KIF26B: variants seen among roughly 807,000 people sequenced by gnomAD.
The protein encoded by KIF26B is kinesin family member 26B.
In KIF26B, 63 loss-of-function variants were observed where a neutral mutation model predicts 151.2. That is an observed-to-expected ratio of 0.42 (90% CI 0.34 to 0.51). The LOEUF (loss-of-function observed/expected upper bound fraction) is 0.51, where lower values mean the gene tolerates loss of function less well. KIF26B is among the 20% of genes least tolerant of loss of function. The pLI is 0.07. For missense variants in KIF26B, 2,813 were observed against 2,913.6 expected (o/e 0.97, Z 0.79); for synonymous variants, 1,357 against 1,262.1 (o/e 1.08, Z -1.59).
intron 2 of KIF26B, among the ~76,000 whole-genome samples, chr1:245,220,094 C>T (rs1295401560): frequency 6.6e-6 from 1 of 152,160 alleles, no homozygotes; most frequent in Non-Finnish European, 1.5e-5. Flanking sequence ...AGGAGAGCTT[C>T]GGCCTCTCTC....
chr1:245,657,921 G>C (rs1219187679), intron 10 of KIF26B, among the ~76,000 whole-genome samples: 1 of 152,160 alleles, frequency 6.6e-6, no homozygotes, highest in Admixed American at 6.5e-5. Flanking sequence ...CCACCACCCA[G>C]GTTAGGAAAT....
At chr1:245,177,086 C>T (rs1216197918) in intron 2 of KIF26B, among the ~76,000 whole-genome samples, 3 of 152,186 alleles carry the variant, frequency 2.0e-5, no homozygotes, top group Non-Finnish European at 4.4e-5. Context: ...TCCTGAGTAG[C>T]TGGGACTACA....
intron 4 of KIF26B, among the ~76,000 whole-genome samples, chr1:245,504,926 A>T (rs969479831): frequency 1.3e-5 from 2 of 152,128 alleles, no homozygotes; most frequent in African/African-American, 4.8e-5. Flanking sequence ...GTAGTTGGAA[A>T]ATTAAGCAAT....
chr1:245,231,578 A>G (rs1275170855), intron 2 of KIF26B, among the ~76,000 whole-genome samples: 3 of 152,200 alleles, frequency 2.0e-5, no homozygotes, highest in Non-Finnish European at 2.9e-5. Flanking sequence ...ATGTGACTCT[A>G]CATACTGAAA....
chr1:245,248,311 C>T (rs556793450), intron 2 of KIF26B, among the ~76,000 whole-genome samples: 4 of 152,316 alleles, frequency 2.6e-5, no homozygotes, highest in Admixed American at 1.3e-4. Context: ...GCGTTCAGCA[C>T]GGCATCACTG....
intron 5 of KIF26B, among the ~76,000 whole-genome samples, chr1:245,555,042 C>T (rs556331931): frequency 1.3e-5 from 2 of 152,334 alleles, no homozygotes; most frequent in African/African-American, 4.8e-5. Context: ...CCATTGGAGG[C>T]AACACCTGGG....
At chr1:245,398,325 C>T (rs542451456) in intron 3 of KIF26B, among the ~76,000 whole-genome samples, 44 of 152,242 alleles carry the variant, frequency 2.9e-4, no homozygotes, top group Admixed American at 1.3e-3. Context: ...AAAGTAATCC[C>T]GGCTGCCTGC....
intron 5 of KIF26B, among the ~76,000 whole-genome samples, chr1:245,574,207 G>A (rs1453865532): frequency 6.6e-6 from 1 of 152,156 alleles, no homozygotes; most frequent in Non-Finnish European, 1.5e-5. Flanking sequence ...TGAGTGGCGT[G>A]ATCTCGGCTC....
At chr1:245,584,301 C>T (rs1018609744) in intron 5 of KIF26B, among the ~76,000 whole-genome samples, 5 of 152,156 alleles carry the variant, frequency 3.3e-5, no homozygotes, top group African/African-American at 1.2e-4. Context: ...GCATACACAG[C>T]CTGCAGAACC....
chr1:245,494,826 T>C (rs990541410), intron 4 of KIF26B, among the ~76,000 whole-genome samples: 1 of 151,892 alleles, frequency 6.6e-6, no homozygotes, highest in Non-Finnish European at 1.5e-5. Flanking sequence ...GATGACTTGA[T>C]CCCAGGAGTC....
At chr1:245,254,069 C>T (rs1670492971) in intron 2 of KIF26B, among the ~76,000 whole-genome samples, 1 of 152,108 alleles carries the variant, frequency 6.6e-6, no homozygotes, top group Non-Finnish European at 1.5e-5. Context: ...CTCGGCCTCC[C>T]AAAGTGCTGG....
At chr1:245,251,430 T>C (rs897406012) in intron 2 of KIF26B, among the ~76,000 whole-genome samples, 1 of 152,246 alleles carries the variant, frequency 6.6e-6, no homozygotes, top group Admixed American at 6.5e-5. Context: ...TGTCTTTTGC[T>C]CATCCAGCAG....
intron 10 of KIF26B, among the ~76,000 whole-genome samples, chr1:245,651,079 A>G (rs6677364): frequency 0.66 from 100,428 of 152,038 alleles, 33,949 homozygotes; most frequent in African/African-American, 0.79. Context: ...ACCGCAGGCA[A>G]CATCCACTTC....
intron 2 of KIF26B, among the ~76,000 whole-genome samples, chr1:245,245,409 G>C (rs893235987): frequency 2.0e-5 from 3 of 152,150 alleles, no homozygotes; most frequent in African/African-American, 7.2e-5. Flanking sequence ...TCAGATTTCA[G>C]TTTCCTGGAA....
rs141144419 is a variant in KIF26B, at chr1:245,470,201, G to A, written c.1166+50456G>A. Among the ~76,000 whole-genome samples, 466 of 152,076 alleles carry A rather than the reference G, an allele frequency of 3.1e-3. 1 individual carries two copies. Among genetic ancestry groups the A allele is most frequent in the African/African-American group, 0.011 (446 of 41,440 alleles). ...CCAGACTTAGATTCTAAGGGCAGGG[G>A]GAGTTCCCTGAAGGATTTTAAGTGC... On this transcript the variant is annotated intron_variant, in intron 4 of 14. Transcript: ENST00000407071.
intron 2 of KIF26B, among the ~76,000 whole-genome samples, chr1:245,274,238 A>G (rs1006395038): frequency 6.6e-6 from 1 of 151,916 alleles, no homozygotes; most frequent in Non-Finnish European, 1.5e-5. Flanking sequence ...TCTTTTTTTA[A>G]TTATACTTTA....
intron 10 of KIF26B, among the ~76,000 whole-genome samples, chr1:245,647,992 A>G (rs776861486): frequency 1.3e-5 from 2 of 152,222 alleles, no homozygotes; most frequent in Non-Finnish European, 1.5e-5. Flanking sequence ...TAGTTGAGTA[A>G]ATTCAGCTTG....
intron 2 of KIF26B, among the ~76,000 whole-genome samples, chr1:245,258,979 C>T (rs556807936): frequency 2.8e-4 from 43 of 152,306 alleles, no homozygotes; most frequent in African/African-American, 9.6e-4. Context: ...AGGTGCCCCT[C>T]GCTTCGTGCA....
chr1:245,262,791 C>G (rs999295418), intron 2 of KIF26B, among the ~76,000 whole-genome samples: 3 of 152,156 alleles, frequency 2.0e-5, no homozygotes, highest in Non-Finnish European at 2.9e-5. Context: ...TTGAGTCTTT[C>G]TCTGGAAGTA....
Sources: gnomAD v4.1 joint callset for allele counts (sites outside exome capture counted in the v4.1 genomes callset) on GRCh38, gnomAD v4.1.1 for gene constraint, MANE v1.5 for transcripts, NCBI Gene and HGNC (gene_info 2026-07-23, HGNC 2026-07-21) for gene names.